SPAG16: variants seen among roughly 807,000 people sequenced by gnomAD.
SPAG16 encodes the protein sperm-associated antigen 16 protein.
Under a neutral mutation model 80.4 loss-of-function variants are expected in SPAG16, and 86 were observed. That is an observed-to-expected ratio of 1.07 (90% CI 0.90 to 1.28). The LOEUF is 1.28. Among genes scored for constraint, SPAG16 ranks in the 50% most tolerant of loss-of-function variants. The pLI is 0.00. For missense variants in SPAG16, 870 were observed against 765.3 expected (o/e 1.14, Z -1.61); for synonymous variants, 294 against 265.9 (o/e 1.11, Z -1.03).
intron 15 of SPAG16, among the ~76,000 whole-genome samples, chr2:214,165,285 G>C (rs1471385656): frequency 6.6e-6 from 1 of 151,872 alleles, no homozygotes; most frequent in Non-Finnish European, 1.5e-5. Flanking sequence ...TTGAAGTAAT[G>C]TGAAATAGTG....
intron 11 of SPAG16, among the ~76,000 whole-genome samples, chr2:213,876,341 A>G (rs183941235): frequency 6.6e-6 from 1 of 151,656 alleles, no homozygotes; most frequent in Admixed American, 6.6e-5. Flanking sequence ...AGAAAAGAAA[A>G]AGAATCTTTG....
intron 15 of SPAG16, among the ~76,000 whole-genome samples, chr2:214,227,991 C>T (rs963395560): frequency 1.3e-5 from 2 of 151,766 alleles, no homozygotes; most frequent in African/African-American, 4.8e-5. Flanking sequence ...ACAGTGTTTT[C>T]TCTATTATGC....
chr2:214,388,286 T>C (rs7588604), intron 15 of SPAG16, among the ~76,000 whole-genome samples: 2 of 151,940 alleles, frequency 1.3e-5, no homozygotes, highest in Admixed American at 1.3e-4. Context: ...AAAAAAAAAT[T>C]ATTAATAGAA....
chr2:213,395,440 A>C (rs2067982829), intron 9 of SPAG16, among the ~76,000 whole-genome samples: 1 of 152,164 alleles, frequency 6.6e-6, no homozygotes, highest in Non-Finnish European at 1.5e-5. Flanking sequence ...TTCAGTTTTG[A>C]ATATACTTTA....
intron 12 of SPAG16, among the ~76,000 whole-genome samples, chr2:213,989,752 C>G (rs78257532): frequency 0.021 from 3,228 of 152,122 alleles, 122 homozygotes; most frequent in African/African-American, 0.073. Flanking sequence ...AAATCGATGT[C>G]AGACATTTTC....
At chr2:214,266,277 C>A (rs1483746944) in intron 15 of SPAG16, among the ~76,000 whole-genome samples, 1 of 151,894 alleles carries the variant, frequency 6.6e-6, no homozygotes, top group African/African-American at 2.4e-5. Context: ...TTAAGTCCAA[C>A]TGAATCTAGA....
At chr2:213,777,614 C>T (rs1270445642) in intron 10 of SPAG16, among the ~76,000 whole-genome samples, 1 of 151,894 alleles carries the variant, frequency 6.6e-6, no homozygotes, top group Non-Finnish European at 1.5e-5. Context: ...TCACCTTGTT[C>T]GCCGGGATGG....
chr2:213,922,731 G>T (rs1323081299), intron 11 of SPAG16, among the ~76,000 whole-genome samples: 1 of 150,032 alleles, frequency 6.7e-6, no homozygotes, highest in Admixed American at 6.7e-5. Flanking sequence ...GATGCCCTTG[G>T]GGATTTTATT....
chr2:213,982,861 G>T (rs984749624), intron 12 of SPAG16, among the ~76,000 whole-genome samples: 1 of 151,798 alleles, frequency 6.6e-6, no homozygotes, highest in African/African-American at 2.4e-5. Context: ...CCATGTAATG[G>T]TAAGTCATTA....
intron 13 of SPAG16, among the ~76,000 whole-genome samples, chr2:214,045,070 G>A (rs1380173832): frequency 2.0e-5 from 3 of 152,162 alleles, no homozygotes; most frequent in Non-Finnish European, 2.9e-5. Flanking sequence ...GGTGGTAAGC[G>A]AGTGCTTATG....
At chr2:213,396,590 G>A (rs2068044206) in intron 9 of SPAG16, 2 of 454,360 alleles carry the variant, frequency 4.4e-6, no homozygotes, top group Non-Finnish European at 8.9e-6. Context: ...TCCATCAGCA[G>A]CAGTGGACAG....
chr2:213,946,857 C>T (rs1183724655), intron 12 of SPAG16, among the ~76,000 whole-genome samples: 2 of 152,190 alleles, frequency 1.3e-5, no homozygotes, highest in African/African-American at 4.8e-5. Context: ...ACCATACTCT[C>T]CCGCCTACTC....
At chr2:214,291,480 T>G (rs1269682017) in intron 15 of SPAG16, among the ~76,000 whole-genome samples, 1 of 151,090 alleles carries the variant, frequency 6.6e-6, no homozygotes, top group African/African-American at 2.4e-5. Context: ...TAATTTTTTG[T>G]ATTTTTAGTA....
chr2:214,169,745 GTTAAA>G (rs1202427372), intron 15 of SPAG16, among the ~76,000 whole-genome samples: 1 of 152,028 alleles, frequency 6.6e-6, no homozygotes, highest in Non-Finnish European at 1.5e-5. Flanking sequence ...TAAACTTTCA[GTTAAA>G]TGTGGTCTCA....
At chr2:213,584,951 G>C (rs1408381736) in intron 10 of SPAG16, among the ~76,000 whole-genome samples, 1 of 152,148 alleles carries the variant, frequency 6.6e-6, no homozygotes, top group Non-Finnish European at 1.5e-5. Context: ...CACTTTGGGA[G>C]GGTGAGGTGG....
At chr2:213,940,311 A>G (rs1325819943) in intron 12 of SPAG16, among the ~76,000 whole-genome samples, 1 of 152,128 alleles carries the variant, frequency 6.6e-6, no homozygotes, top group Non-Finnish European at 1.5e-5. Context: ...GTTTTTTTAG[A>G]GATGACATCT....
chr2:214,049,993 C>T (rs998353727), intron 13 of SPAG16, among the ~76,000 whole-genome samples: 5 of 152,228 alleles, frequency 3.3e-5, no homozygotes, highest in African/African-American at 1.2e-4. Context: ...TGGTATATTT[C>T]ATTCCTTTCA....
chr2:214,390,200 T>C (rs1378241818), intron 15 of SPAG16, among the ~76,000 whole-genome samples: 1 of 152,144 alleles, frequency 6.6e-6, no homozygotes, highest in Non-Finnish European at 1.5e-5. Flanking sequence ...ATACCTCCAG[T>C]AATGGCCTCC....
chr2:213,802,165 T>C (rs958997888), intron 10 of SPAG16, among the ~76,000 whole-genome samples: 2 of 152,148 alleles, frequency 1.3e-5, no homozygotes, highest in Non-Finnish European at 2.9e-5. Context: ...GAAATGGACT[T>C]GATGAGAGAT....
Sources: allele counts gnomAD v4.1 joint callset (sites outside exome capture counted in the v4.1 genomes callset), GRCh38; gene constraint gnomAD v4.1.1; transcripts MANE v1.5; gene names NCBI Gene and HGNC (gene_info 2026-07-23, HGNC 2026-07-21).